GLIS3: variants seen among roughly 807,000 people sequenced by gnomAD.
GLIS3 encodes GLIS family zinc finger 3, also known as zinc finger protein GLIS3.
GLIS3 carries 53 observed loss-of-function variants against 78.6 expected under a neutral mutation model. That is an observed-to-expected ratio of 0.67 (90% CI 0.54 to 0.85). The LOEUF (loss-of-function observed/expected upper bound fraction) is 0.85. GLIS3 is among the 40% of genes least tolerant of loss of function. The probability of loss-of-function intolerance (pLI) is 0.00; values close to 1 mark genes in which losing one functional copy is unlikely to be tolerated. For synonymous variants in GLIS3, 684 were observed against 509.9 expected, an observed-to-expected ratio of 1.34 and a Z score of -4.60; for missense variants, 1,703 against 1,231.1, an observed-to-expected ratio of 1.38 and a Z score of -5.74.
chr9:4,383,333 G>C, the GLIS3 span, among the ~76,000 whole-genome samples: 1 of 152,084 alleles, frequency 6.6e-6, no homozygotes, highest in Non-Finnish European at 1.5e-5. Context: ...ATAACATTTG[G>C]AACTGCTGTT....
intron 2 of GLIS3, among the ~76,000 whole-genome samples, chr9:4,204,371 G>A (rs905135655): frequency 6.6e-6 from 1 of 152,104 alleles, no homozygotes; most frequent in Non-Finnish European, 1.5e-5. Flanking sequence ...AACTCATTAG[G>A]TCTGAGAGTA....
chr9:4,205,624 G>C (rs1819807388), intron 2 of GLIS3, among the ~76,000 whole-genome samples: 2 of 152,192 alleles, frequency 1.3e-5, no homozygotes, highest in Admixed American at 1.3e-4. Flanking sequence ...GCCAAAACAT[G>C]GATGTGGGGA....
chr9:3,887,668 T>C (rs553102932), intron 7 of GLIS3, among the ~76,000 whole-genome samples: 110 of 152,328 alleles, frequency 7.2e-4, no homozygotes, highest in African/African-American at 2.5e-3. Flanking sequence ...CAGGTTTATA[T>C]GCTTCTCTGG....
rs1465382405 is a variant in GLIS3 at position 4,054,186 on chromosome 9, A to C, written c.1710+63582T>G. 5 of 291,242 alleles carry C rather than the reference A, an allele frequency of 1.7e-5. No individual in the cohort carries two copies. The Admixed American group carries it at 3.2e-4, about 19-fold the overall frequency. 18.0% of individuals were successfully genotyped at this position (291,242 alleles called of 1,614,324 possible). ...CAAAGTCACAGGACTCTCTGGTGGC[A>C]CAGCAGGAAGCCTGTCCACACTCAC... On this transcript the variant is annotated intron_variant, in intron 4 of 10. Transcript: ENST00000381971.
intron 4 of GLIS3, among the ~76,000 whole-genome samples, chr9:4,018,930 T>G (rs756172572): frequency 5.9e-5 from 9 of 152,168 alleles, no homozygotes; most frequent in Non-Finnish European, 8.8e-5. Flanking sequence ...GAGGTTCAAA[T>G]TCCAGGTATT....
At chr9:4,414,999 G>A in the GLIS3 span, among the ~76,000 whole-genome samples, 6 of 152,176 alleles carry the variant, frequency 3.9e-5, no homozygotes, top group Non-Finnish European at 7.4e-5. Flanking sequence ...GTTCTATACA[G>A]AGTTCTTTTT....
intron 4 of GLIS3, among the ~76,000 whole-genome samples, chr9:4,307,505 G>C (rs1587375945): frequency 6.6e-6 from 1 of 151,822 alleles, no homozygotes; most frequent in African/African-American, 2.4e-5. Flanking sequence ...GGCTTTCTCT[G>C]ATAGGGAGAA....
intron 3 of GLIS3, among the ~76,000 whole-genome samples, chr9:4,120,619 C>T (rs954804490): frequency 1.2e-4 from 19 of 152,178 alleles, no homozygotes; most frequent in Admixed American, 6.5e-5. Context: ...GAATTGCTTT[C>T]GGACCCAAAC....
chr9:4,477,133 T>A, the GLIS3 span, among the ~76,000 whole-genome samples: 1 of 152,062 alleles, frequency 6.6e-6, no homozygotes, highest in Non-Finnish European at 1.5e-5. Flanking sequence ...AGCATTATTA[T>A]TCACAATAAC....
chr9:4,075,469 G>A (rs553489154), intron 4 of GLIS3, among the ~76,000 whole-genome samples: 2 of 150,348 alleles, frequency 1.3e-5, no homozygotes, highest in Admixed American at 6.7e-5. Flanking sequence ...CCAGCTACTC[G>A]GGAGGCTGAG....
the GLIS3 span, among the ~76,000 whole-genome samples, chr9:4,411,914 C>T: frequency 0.03 from 4,580 of 152,314 alleles, 87 homozygotes; most frequent in Middle Eastern, 0.099. Flanking sequence ...CATTTTGGCT[C>T]ATGTATGGTC....
intron 8 of GLIS3, among the ~76,000 whole-genome samples, chr9:3,858,779 A>T (rs1588100759): frequency 6.6e-6 from 1 of 152,342 alleles, no homozygotes; most frequent in East Asian, 1.9e-4. Flanking sequence ...GATCACAATT[A>T]TCCAGACAAT....
intron 2 of GLIS3, among the ~76,000 whole-genome samples, chr9:4,215,604 C>T (rs1241179683): frequency 1.3e-5 from 2 of 152,220 alleles, no homozygotes; most frequent in African/African-American, 4.8e-5. Flanking sequence ...ATGCTATCGC[C>T]TGGGTCTATT....
At chr9:4,437,236 G>C in the GLIS3 span, among the ~76,000 whole-genome samples, 1 of 152,168 alleles carries the variant, frequency 6.6e-6, no homozygotes, top group Non-Finnish European at 1.5e-5. Context: ...ACTTTTGATT[G>C]CTGGACCCCC....
chr9:4,097,602 C>T (rs966116988), intron 4 of GLIS3, among the ~76,000 whole-genome samples: 3 of 152,130 alleles, frequency 2.0e-5, no homozygotes, highest in Non-Finnish European at 4.4e-5. Flanking sequence ...AGAGATTTTA[C>T]CAGCTTCGCA....
the GLIS3 span, among the ~76,000 whole-genome samples, chr9:4,370,245 G>T: frequency 9.4e-4 from 139 of 147,650 alleles, 1 homozygote; most frequent in Non-Finnish European, 1.6e-3. Context: ...AGTTCAAATT[G>T]TCCTGGGTTT....
chr9:4,188,607 C>G (rs961157276), intron 2 of GLIS3, among the ~76,000 whole-genome samples: 11 of 152,140 alleles, frequency 7.2e-5, no homozygotes, highest in African/African-American at 2.7e-4. Flanking sequence ...TAGAATTCAG[C>G]TGTGAATCCA....
chr9:4,256,592 C>T (rs1824963971), intron 2 of GLIS3, among the ~76,000 whole-genome samples: 1 of 152,174 alleles, frequency 6.6e-6, no homozygotes, highest in South Asian at 2.1e-4. Context: ...AACATCAGGC[C>T]TATTGATCCA....
upstream of GLIS3, among the ~76,000 whole-genome samples, chr9:4,301,170 T>G (rs1352010610): frequency 6.6e-6 from 1 of 152,168 alleles, no homozygotes; most frequent in Non-Finnish European, 1.5e-5. Context: ...AAAAGAAGCC[T>G]GGTTTCCACA....
Sources: gnomAD v4.1 joint callset for allele counts (sites outside exome capture counted in the v4.1 genomes callset) on GRCh38, gnomAD v4.1.1 for gene constraint, MANE v1.5 for transcripts, NCBI Gene and HGNC (gene_info 2026-07-23, HGNC 2026-07-21) for gene names.